Variants in ROCK1 observed in about 807,000 individuals in gnomAD.
ROCK1 encodes the protein rho-associated protein kinase 1.
In ROCK1, 36 loss-of-function variants were observed where a neutral mutation model predicts 196.8. That is an observed-to-expected ratio of 0.18 (90% CI 0.14 to 0.24). The LOEUF (loss-of-function observed/expected upper bound fraction) is 0.24, where lower values mean the gene tolerates loss of function less well. ROCK1 is among the 10% of genes least tolerant of loss of function. The pLI, the probability that ROCK1 is intolerant of heterozygous loss-of-function variation, is 1.00. For missense variants in ROCK1, 920 were observed against 1,562.0 expected (o/e 0.59, Z 6.93); for synonymous variants, 443 against 515.9 (o/e 0.86, Z 1.91).
At chr18:21,002,621 T>A (rs288989) in intron 16 of ROCK1, among the ~76,000 whole-genome samples, 99,415 of 152,054 alleles carry the variant, frequency 0.65, 34,700 homozygotes, top group African/African-American at 0.91. Context: ...TGAAGGAAGA[T>A]GGATAAAAAT....
At chr18:21,019,261 C>T (rs1428398697) in intron 12 of ROCK1, among the ~76,000 whole-genome samples, 2 of 152,108 alleles carry the variant, frequency 1.3e-5, no homozygotes, top group African/African-American at 4.8e-5. Context: ...TCAAGCAATT[C>T]TCATGCCTCA....
At position 21,042,790 on chromosome 18, in the gene ROCK1, T is replaced by C. The variant is rs1365842504; in HGVS notation, c.676-81A>G. On this transcript the variant is annotated intron_variant, in intron 6 of 32. Transcript: ENST00000399799. The stretch of plus-strand genomic sequence containing the variant: ...AAATGACTTTCTTATTAATATTACC[T>C]ATGGGACTCCAAATCTTTGAGCTAT... 6.8e-6 allele frequency: 9 copies of C among 1,329,608 alleles called. No homozygotes were observed. The South Asian group carries it at 1.2e-4, about 17-fold the overall frequency. The allele number at this position is 1,329,608 out of a possible 1,614,324, so 82.4% of individuals were successfully genotyped here. A position where few individuals can be genotyped will look rare whatever the true frequency, so the allele number is the denominator to read the frequency against.
Position 20,950,748 on chromosome 18 carries a change from A to C in ROCK1, c.*636T>G, listed in dbSNP as rs2035178455. The C allele has an allele frequency of 6.6e-6, 1 of 152,640 alleles. No individual in the cohort carries two copies. The highest frequency in any genetic ancestry group is 1.9e-4 in the East Asian group (1 of 5,196). 9.5% of individuals were successfully genotyped at this position (152,640 alleles called of 1,614,324 possible). A position where few individuals can be genotyped will look rare whatever the true frequency, so the allele number is the denominator to read the frequency against. On this transcript the variant is annotated 3_prime_UTR_variant, in exon 33 of 33. Transcript: ENST00000399799. ...CCTCTCCCATTCCCCAAACTTGCTG[A>C]AACATATACAGTATTTTGTAAAGCA...
At chr18:21,087,271 A>C (rs1170821250) in intron 1 of ROCK1, among the ~76,000 whole-genome samples, 1 of 152,158 alleles carries the variant, frequency 6.6e-6, no homozygotes, top group Non-Finnish European at 1.5e-5. Context: ...AGATACAAAA[A>C]ACAGGGAGGT....
chr18:21,016,942 C>T (rs1420539374), intron 12 of ROCK1, among the ~76,000 whole-genome samples: 1 of 151,996 alleles, frequency 6.6e-6, no homozygotes, highest in East Asian at 1.9e-4. Context: ...CCTCCCCATT[C>T]TCATCTCAGG....
intron 4 of ROCK1, among the ~76,000 whole-genome samples, chr18:21,046,100 TG>T (rs1444696762): frequency 5.3e-5 from 8 of 151,928 alleles, no homozygotes; most frequent in African/African-American, 1.9e-4. Context: ...TTAGTAGAGA[TG>T]GGGTTTCACC....
intron 11 of ROCK1, among the ~76,000 whole-genome samples, chr18:21,020,490 G>T (rs45534438): frequency 1.3e-5 from 2 of 152,092 alleles, no homozygotes; most frequent in Non-Finnish European, 2.9e-5. Context: ...GTTACATAGT[G>T]AGGCAAAGTT....
intron 21 of ROCK1, among the ~76,000 whole-genome samples, chr18:20,981,109 A>G (rs1401485960): frequency 6.7e-6 from 1 of 149,312 alleles, no homozygotes; most frequent in East Asian, 2.0e-4. Flanking sequence ...AATATCCACA[A>G]AAGGGCCGGG....
At chr18:21,047,723 G>T (rs1171413544) in intron 4 of ROCK1, among the ~76,000 whole-genome samples, 1 of 151,912 alleles carries the variant, frequency 6.6e-6, no homozygotes, top group Non-Finnish European at 1.5e-5. Flanking sequence ...GAACTCAGGG[G>T]GCAGAGCTTG....
In ROCK1 at chr18:21,028,684, T is replaced by C. The variant is rs548908484; in HGVS notation, c.1211+92A>G. The C allele has an allele frequency of 3.7e-5, 41 of 1,108,224 alleles. No homozygotes were observed. In the African/African-American group the frequency reaches 6.6e-4, roughly 18 times the overall value. The allele number at this position is 1,108,224 out of a possible 1,614,324, so 68.6% of individuals were successfully genotyped here. A position where few individuals can be genotyped will look rare whatever the true frequency, so the allele number is the denominator to read the frequency against. On this transcript the variant is annotated intron_variant, in intron 10 of 32. Coordinates refer to ENST00000399799, the MANE Select transcript of ROCK1 (RefSeq NM_005406.3). ...AATTGCATAATAAGGTGTATCTTTA[T>C]ATAGCATTAAATCTACTTTAAAAAT...
intron 1 of ROCK1, among the ~76,000 whole-genome samples, chr18:21,096,021 C>T (rs2036609844): frequency 2.6e-5 from 4 of 151,428 alleles, no homozygotes; most frequent in Admixed American, 6.6e-5. Context: ...AGAATCAAAA[C>T]ATTCTTAACA....
intron 1 of ROCK1, among the ~76,000 whole-genome samples, chr18:21,080,664 T>C (rs768352787): frequency 1.3e-5 from 2 of 151,962 alleles, no homozygotes; most frequent in Non-Finnish European, 2.9e-5. Context: ...AAATACTCCA[T>C]GCAAATAGTA....
intron 20 of ROCK1, among the ~76,000 whole-genome samples, chr18:20,983,063 A>C (rs557463323): frequency 3.8e-4 from 58 of 152,084 alleles, no homozygotes; most frequent in African/African-American, 1.4e-3. Context: ...ACCCTTTTCT[A>C]CTGATGATCA....
In ROCK1 at chr18:21,111,105, G is replaced by A. The variant is rs2036748011; in HGVS notation, c.-195C>T. 3.4e-6 allele frequency: 2 copies of A among 584,350 alleles called. No homozygotes were observed. The highest frequency in any genetic ancestry group is 5.8e-5 in the East Asian group (2 of 34,418). 36.2% of individuals were successfully genotyped at this position (584,350 alleles called of 1,614,324 possible). ...TCCAGACCCCGGGCCGGGGGCAACAGCGACCCACAGCCGCTCGGACGCCCA... is the reference window on the plus strand; with the variant it reads ...TCCAGACCCCGGGCCGGGGGCAACAACGACCCACAGCCGCTCGGACGCCCA... On this transcript the variant is annotated 5_prime_UTR_variant, in exon 1 of 33. Coordinates refer to ENST00000399799, the MANE Select transcript of ROCK1 (RefSeq NM_005406.3). The surrounding 1 kb of genome is among the most constrained non-coding windows in gnomAD (Gnocchi z 4.2).
intron 2 of ROCK1, among the ~76,000 whole-genome samples, chr18:21,069,577 A>G (rs1206231637): frequency 6.6e-6 from 1 of 151,906 alleles, no homozygotes; most frequent in Non-Finnish European, 1.5e-5. Context: ...CCATTACTTT[A>G]AAAAAAACCA....
Position 21,111,436 on chromosome 18 carries a change from C to G in ROCK1, c.-526G>C. On this transcript the variant is annotated 5_prime_UTR_variant, in exon 1 of 33. Coordinates refer to ENST00000399799, the MANE Select transcript of ROCK1 (RefSeq NM_005406.3). The surrounding 1 kb of genome is among the most constrained non-coding windows in gnomAD (Gnocchi z 4.2). ...CTCAGAGGCGCTGTAGACGGTCTAG[C>G]CCCGCGTCCCCGGCTCTACTCGGCC... 3.3e-6 allele frequency: 1 copy of G among 303,642 alleles called. No individual in the cohort carries two copies. Among genetic ancestry groups the G allele is most frequent in the African/African-American group, 2.2e-5 (1 of 46,232 alleles). The allele number at this position is 303,642 out of a possible 1,614,324, so 18.8% of individuals were successfully genotyped here.
chr18:20,963,968 G>A (rs947160183), intron 27 of ROCK1, among the ~76,000 whole-genome samples: 1 of 151,946 alleles, frequency 6.6e-6, no homozygotes, highest in African/African-American at 2.4e-5. Flanking sequence ...ATTTTAGAAG[G>A]GAGATTTAAT....
At chr18:20,995,504 G>T (rs1191924235) in intron 16 of ROCK1, among the ~76,000 whole-genome samples, 1 of 152,150 alleles carries the variant, frequency 6.6e-6, no homozygotes, top group African/African-American at 2.4e-5. Flanking sequence ...CCCAATTCCA[G>T]GTCCTGGTTC....
rs563736763 is a variant in ROCK1, at chr18:21,032,348, G to A, written c.1052-3413C>T. The stretch of plus-strand genomic sequence containing the variant: ...TTTAGAATGTTAAGTGTAATTCCAC[G>A]TTAACTAATAAGAAAATGACTAAAA... On this transcript the variant is annotated intron_variant, in intron 9 of 32. Coordinates refer to ENST00000399799, the MANE Select transcript of ROCK1 (RefSeq NM_005406.3). Among the ~76,000 whole-genome samples, 10 of 151,612 alleles carry A rather than the reference G, an allele frequency of 6.6e-5. No individual in the cohort carries two copies. In the South Asian group the frequency reaches 1.0e-3, roughly 16 times the overall value.
Sources: gnomAD v4.1 joint callset for allele counts (sites outside exome capture counted in the v4.1 genomes callset) on GRCh38, gnomAD v4.1.1 for gene constraint, Gnocchi (gnomAD v3.1) non-coding constraint, MANE v1.5 for transcripts, NCBI Gene and HGNC (gene_info 2026-07-23, HGNC 2026-07-21) for gene names.